The following OPCML variants were observed in gnomAD, a reference collection of about 807,000 sequenced individuals.
OPCML encodes the protein opioid-binding protein/cell adhesion molecule.
OPCML carries 13 observed loss-of-function variants against 37.8 expected under a neutral mutation model. The ratio of observed to expected loss-of-function variants is 0.34; its 90% CI spans 0.22 to 0.55. The LOEUF (loss-of-function observed/expected upper bound fraction) is 0.55, where lower values mean the gene tolerates loss of function less well. Among genes scored for constraint, OPCML ranks in the 20% least tolerant of loss-of-function variants. The pLI, the probability that OPCML is intolerant of heterozygous loss-of-function variation, is 0.91. For missense variants in OPCML, 341 were observed against 435.6 expected (o/e 0.78, Z 1.93); for synonymous variants, 176 against 168.8 (o/e 1.04, Z -0.33).
intron 1 of OPCML, among the ~76,000 whole-genome samples, chr11:133,141,000 C>CGAAGACGAA (rs1218067845): frequency 0.02 from 87 of 4,416 alleles, 31 homozygotes; most frequent in African/African-American, 0.035. Flanking sequence ...AAGAAGAAGA[C>CGAAGACGAA]GACGACGACG....
chr11:133,345,091 C>CA (rs1295399350), intron 1 of OPCML, among the ~76,000 whole-genome samples: 4 of 152,154 alleles, frequency 2.6e-5, no homozygotes, highest in African/African-American at 9.7e-5. Flanking sequence ...ACCAGCCCCC[C>CA]TATATCAAGC....
At chr11:133,347,970 CAG>C (rs1159030192) in intron 1 of OPCML, among the ~76,000 whole-genome samples, 1 of 152,106 alleles carries the variant, frequency 6.6e-6, no homozygotes, top group African/African-American at 2.4e-5. Context: ...TATCAAAAGC[CAG>C]ATACATAAAG....
Position 133,003,288 on chromosome 11 carries a change from C to T in OPCML, c.62-60278G>A, listed in dbSNP as rs141762834. ...CACTGAGCCCATATCAAGTGCCTTCCTGCTCCTTCCTAAGGCTCCAGGGAA... is the reference window on the plus strand; with the variant it reads ...CACTGAGCCCATATCAAGTGCCTTCTTGCTCCTTCCTAAGGCTCCAGGGAA... On this transcript the variant is annotated intron_variant, in intron 1 of 7. Transcript: ENST00000524381. 1.4e-4 allele frequency among the ~76,000 whole-genome samples: 22 copies of T among 152,298 alleles called. No individual in the cohort carries two copies. In the East Asian group the frequency reaches 4.3e-3, roughly 29 times the overall value.
chr11:133,004,090 G>A (rs1200580410), intron 1 of OPCML: 1 of 985,402 alleles, frequency 1.0e-6, no homozygotes, highest in Non-Finnish European at 1.2e-6. Context: ...GCTGGCAGCT[G>A]TGTTCTAGCT....
At chr11:133,075,130 G>A (rs543505039) in intron 1 of OPCML, among the ~76,000 whole-genome samples, 2 of 152,268 alleles carry the variant, frequency 1.3e-5, no homozygotes, top group African/African-American at 4.8e-5. Flanking sequence ...TAGTAGACAA[G>A]GCTCACCTCC....
At chr11:133,483,997 C>CTAGA (rs559180125) in intron 1 of OPCML, among the ~76,000 whole-genome samples, 5 of 144,762 alleles carry the variant, frequency 3.5e-5, no homozygotes, top group African/African-American at 1.3e-4. Context: ...AGCTAGCTAG[C>CTAGA]TAGATAGATA....
intron 1 of OPCML, among the ~76,000 whole-genome samples, chr11:133,475,846 A>T (rs1208143856): frequency 4.6e-5 from 7 of 152,106 alleles, no homozygotes; most frequent in African/African-American, 1.7e-4. Context: ...TTCCTACGGG[A>T]TGAAAATGCT....
chr11:133,061,626 C>T (rs1948342832), intron 1 of OPCML, among the ~76,000 whole-genome samples: 1 of 152,202 alleles, frequency 6.6e-6, no homozygotes, highest in African/African-American at 2.4e-5. Context: ...CCTAGTCTTA[C>T]ACTCATACAT....
At chr11:132,733,704 G>T (rs766009061) in intron 2 of OPCML, among the ~76,000 whole-genome samples, 2 of 152,138 alleles carry the variant, frequency 1.3e-5, no homozygotes, top group Non-Finnish European at 2.9e-5. Context: ...GTGTCACATT[G>T]ATCCACCGTG....
At chr11:132,745,023 A>G (rs1945568441) in intron 2 of OPCML, among the ~76,000 whole-genome samples, 1 of 152,178 alleles carries the variant, frequency 6.6e-6, no homozygotes, top group Non-Finnish European at 1.5e-5. Flanking sequence ...CCCCTGGGAG[A>G]AATGTCTTTC....
intron 1 of OPCML, chr11:133,006,939 G>A (rs1254882770): frequency 2.0e-6 from 2 of 985,292 alleles, no homozygotes; most frequent in Non-Finnish European, 2.4e-6. Flanking sequence ...TAAGCAGGAG[G>A]CCTACCTAAT....
chr11:133,329,435 A>ACTATGAGG (rs1275798919), intron 1 of OPCML, among the ~76,000 whole-genome samples: 1 of 152,216 alleles, frequency 6.6e-6, no homozygotes, highest in Non-Finnish European at 1.5e-5. Flanking sequence ...TTCAAACTAT[A>ACTATGAGG]CTATGAGGCT....
At chr11:132,910,633 G>T (rs1944398016) in intron 2 of OPCML, among the ~76,000 whole-genome samples, 1 of 152,166 alleles carries the variant, frequency 6.6e-6, no homozygotes, top group African/African-American at 2.4e-5. Flanking sequence ...AGTGACAGAT[G>T]ATCCCTTCAT....
chr11:132,462,925 A>G (rs1235763020), intron 4 of OPCML, among the ~76,000 whole-genome samples: 4 of 152,190 alleles, frequency 2.6e-5, no homozygotes, highest in Non-Finnish European at 5.9e-5. Context: ...ACCTTGGGGG[A>G]AAGAGGGTCC....
At chr11:132,660,445 G>C (rs568341473) in intron 2 of OPCML, among the ~76,000 whole-genome samples, 65 of 152,000 alleles carry the variant, frequency 4.3e-4, no homozygotes, top group Non-Finnish European at 7.5e-4. Context: ...ACTCGCAAAG[G>C]GGTTTATAAC....
At chr11:132,485,742 T>A (rs911540633) in intron 4 of OPCML, among the ~76,000 whole-genome samples, 2 of 152,260 alleles carry the variant, frequency 1.3e-5, no homozygotes, top group Admixed American at 1.3e-4. Context: ...TATTTTCTTT[T>A]TATTGCTGAG....
At chr11:133,170,451 A>G (rs1030493782) in intron 1 of OPCML, among the ~76,000 whole-genome samples, 1 of 151,914 alleles carries the variant, frequency 6.6e-6, no homozygotes, top group African/African-American at 2.4e-5. Context: ...GTGCCACTGC[A>G]CTCCAGCCTG....
chr11:133,227,449 T>C (rs1940087106), intron 1 of OPCML, among the ~76,000 whole-genome samples: 1 of 152,038 alleles, frequency 6.6e-6, no homozygotes, highest in African/African-American at 2.4e-5. Flanking sequence ...GAGAGAGGTT[T>C]TTGCTGAGGA....
chr11:133,323,919 A>G lies in OPCML; in HGVS notation c.61+208345T>C, dbSNP rs78761278. ...TCTCTCCAATTCAGTTAAAATGTTT[A>G]TTGTTTGTTGTCCAGGATTCTAAAT... On this transcript the variant is annotated intron_variant, in intron 1 of 7. Coordinates refer to ENST00000524381, the MANE Select transcript of OPCML (RefSeq NM_001012393.5). Among the ~76,000 whole-genome samples, 746 of 152,180 alleles carry G rather than the reference A, an allele frequency of 4.9e-3. 3 individuals carry two copies. The highest frequency in any genetic ancestry group is 8.5e-3 in the Non-Finnish European group (581 of 68,000).
Sources: gnomAD v4.1 joint callset for allele counts (sites outside exome capture counted in the v4.1 genomes callset) on GRCh38, gnomAD v4.1.1 for gene constraint, MANE v1.5 for transcripts, NCBI Gene and HGNC (gene_info 2026-07-23, HGNC 2026-07-21) for gene names.